PCBP3: variants seen among roughly 807,000 people sequenced by gnomAD.
PCBP3 encodes poly(rC) binding protein 3.
PCBP3 carries 25 observed loss-of-function variants against 52.7 expected under a neutral mutation model. That is an observed-to-expected ratio of 0.47 (90% CI 0.35 to 0.66). The LOEUF (loss-of-function observed/expected upper bound fraction) is 0.66. PCBP3 is among the 30% of genes least tolerant of loss of function. PCBP3 has a pLI of 0.01. For synonymous variants in PCBP3, 162 were observed against 183.0 expected, an observed-to-expected ratio of 0.89 and a Z score of 0.93; for missense variants, 391 against 490.3, an observed-to-expected ratio of 0.80 and a Z score of 1.91.
chr21:45,647,505 C>T (rs950234898), intron 1 of PCBP3, among the ~76,000 whole-genome samples: 1 of 152,164 alleles, frequency 6.6e-6, no homozygotes, highest in Non-Finnish European at 1.5e-5. Context: ...GGCCGAGAAT[C>T]AGGGAAAGCT....
At chr21:45,689,252 A>G (rs567640587) in intron 2 of PCBP3, among the ~76,000 whole-genome samples, 2 of 152,128 alleles carry the variant, frequency 1.3e-5, no homozygotes, top group Non-Finnish European at 2.9e-5. Context: ...ATAAGCCATC[A>G]GGACCAAATG....
intron 7 of PCBP3, 65 bp downstream of exon 7, chr21:45,899,687 C>T: frequency 7.7e-7 from 1 of 1,296,308 alleles, no homozygotes; most frequent in Non-Finnish European, 1.1e-6. Flanking sequence ...GGATGGCAGC[C>T]TCCCTGGGTA....
chr21:45,725,582 G>C (rs567113134), intron 2 of PCBP3, among the ~76,000 whole-genome samples: 73 of 152,280 alleles, frequency 4.8e-4, no homozygotes, highest in African/African-American at 1.7e-3. Flanking sequence ...TGCTCTTCCC[G>C]GTCTCAGAGT....
chr21:45,694,371 C>T (rs1012094656), intron 2 of PCBP3, among the ~76,000 whole-genome samples: 6 of 152,114 alleles, frequency 3.9e-5, no homozygotes, highest in South Asian at 2.1e-4. Context: ...TGAAAGTAGA[C>T]GAGAAAAATC....
At chr21:45,690,260 A>G (rs2082380722) in intron 2 of PCBP3, among the ~76,000 whole-genome samples, 1 of 152,136 alleles carries the variant, frequency 6.6e-6, no homozygotes, top group Non-Finnish European at 1.5e-5. Context: ...AACTGTCAGA[A>G]GAACTGAATA....
At position 45,741,204 on chromosome 21, in the gene PCBP3, C is replaced by T. The variant is rs1198882080; in HGVS notation, c.-162+5775C>T. On this transcript the variant is annotated intron_variant, in intron 3 of 17. Coordinates refer to ENST00000681687, the MANE Select transcript of PCBP3 (RefSeq NM_001384156.1). This position sits in a 1 kb window ranked among gnomAD's most constrained non-coding sequence, Gnocchi z 4.5. ...TCCAAGAAGGGCTGGAGGGTGATGT[C>T]GGGATGAGTGGGTCTGCAGTGGTCG... Among the ~76,000 whole-genome samples, 2 of 152,042 alleles carry T rather than the reference C, an allele frequency of 1.3e-5. No homozygotes were observed. The highest frequency in any genetic ancestry group is 2.4e-5 in the African/African-American group (1 of 41,376).
intron 12 of PCBP3, chr21:45,914,720 C>G (rs2096472590): frequency 6.6e-6 from 1 of 152,410 alleles, no homozygotes. Flanking sequence ...GGCCAGGGCA[C>G]AGGGAACACC....
At chr21:45,759,220 G>T (rs930746463) in intron 4 of PCBP3, among the ~76,000 whole-genome samples, 1 of 152,162 alleles carries the variant, frequency 6.6e-6, no homozygotes, top group African/African-American at 2.4e-5. Context: ...GTTTTCAGGA[G>T]TTTGTGTGAA....
chr21:45,879,704 C>A (rs2095354734), intron 5 of PCBP3, among the ~76,000 whole-genome samples: 1 of 127,788 alleles, frequency 7.8e-6, no homozygotes, highest in African/African-American at 2.5e-5. Context: ...AAACACACAC[C>A]TCTAAATAAT....
Position 45,919,836 on chromosome 21 carries a change from TGC to T in PCBP3, c.717+2217_717+2218del, listed in dbSNP as rs201942074. Among the ~76,000 whole-genome samples, 444 of 53,656 alleles carry T rather than the reference TGC, an allele frequency of 8.3e-3. 2 individuals are homozygous for T. The highest frequency in any genetic ancestry group is 0.025 in the African/African-American group (188 of 7,590). The allele number at this position is 53,656 out of a possible 152,430, so 35.2% of individuals were successfully genotyped here. ...AGAGGTGTGTGTGTGTGTGTGTGTG[TGC>T]GCGCGCGCGTGCGCGTCCCCGTGCA... On this transcript the variant is annotated intron_variant, in intron 13 of 17. Coordinates refer to ENST00000681687, the MANE Select transcript of PCBP3 (RefSeq NM_001384156.1).
intron 3 of PCBP3, among the ~76,000 whole-genome samples, chr21:45,748,360 G>C (rs1295193275): frequency 6.6e-6 from 1 of 152,200 alleles, no homozygotes; most frequent in Non-Finnish European, 1.5e-5. Flanking sequence ...CATAGGCCCT[G>C]TGTGAATGGT....
chr21:45,825,221 C>T (rs1411663777), intron 4 of PCBP3, among the ~76,000 whole-genome samples: 1 of 152,120 alleles, frequency 6.6e-6, no homozygotes, highest in Non-Finnish European at 1.5e-5. Context: ...TGAGTGACTC[C>T]GAAGTAAAAG....
chr21:45,743,820 A>G (rs894798874), intron 3 of PCBP3, among the ~76,000 whole-genome samples: 129 of 152,154 alleles, frequency 8.5e-4, no homozygotes, highest in Non-Finnish European at 3.1e-4. Flanking sequence ...TTGCTTTCAT[A>G]ACATGATTTG....
Position 45,884,196 on chromosome 21 carries a change from A to G in PCBP3, c.11-12012A>G, listed in dbSNP as rs141059338. ...AGTGATCCTCCCACCTTGACCGCCCAAAGTGCTGGGATTACAGGCGTGAGC... is the reference window on the plus strand; with the variant it reads ...AGTGATCCTCCCACCTTGACCGCCCGAAGTGCTGGGATTACAGGCGTGAGC... On this transcript the variant is annotated intron_variant, in intron 5 of 17. Coordinates refer to ENST00000681687, the MANE Select transcript of PCBP3 (RefSeq NM_001384156.1). Among the ~76,000 whole-genome samples the G allele has an allele frequency of 2.3e-3, 356 of 152,120 alleles. 2 individuals are homozygous for G. The highest frequency in any genetic ancestry group is 8.2e-3 in the African/African-American group (341 of 41,508).
intron 4 of PCBP3, among the ~76,000 whole-genome samples, chr21:45,798,629 T>C (rs111793015): frequency 7.6e-6 from 1 of 131,036 alleles, no homozygotes; most frequent in African/African-American, 2.9e-5. Flanking sequence ...CGAATGGATG[T>C]GTACATGGAT....
chr21:45,930,149 T>C (rs542645260), intron 14 of PCBP3, among the ~76,000 whole-genome samples, 154 bp downstream of exon 14: 1 of 29,608 alleles, frequency 3.4e-5, no homozygotes, highest in African/African-American at 1.3e-4. Flanking sequence ...TTGCTGGGGC[T>C]GGGGCCGGGG....
In PCBP3 at chr21:45,877,679, G is replaced by T. The variant is rs116549232; in HGVS notation, c.11-18529G>T. 1.6e-3 allele frequency among the ~76,000 whole-genome samples: 242 copies of T among 152,282 alleles called. 1 individual carries two copies. The highest frequency in any genetic ancestry group is 5.6e-3 in the African/African-American group (233 of 41,562). ...AATTAGCCGGGTGTGATGGTGGCAC[G>T]CCTGTAGTCCCAGCCACTCAGGAGG... is the stretch of plus-strand genomic sequence containing the variant. On this transcript the variant is annotated intron_variant, in intron 5 of 17. Coordinates refer to ENST00000681687, the MANE Select transcript of PCBP3 (RefSeq NM_001384156.1).
rs552959182 is a variant in PCBP3, at chr21:45,837,164, C to T, written c.-125-12797C>T. Among the ~76,000 whole-genome samples the T allele has an allele frequency of 2.0e-5, 3 of 152,356 alleles. No homozygotes were observed. Among genetic ancestry groups the T allele is most frequent in the Non-Finnish European group, 4.4e-5 (3 of 68,032 alleles). ...TTCCCATCCCCCAGCAGCGTGTTAG[C>T]GCCACGGATGATCTACAGTCCACCA... On this transcript the variant is annotated intron_variant, in intron 4 of 17. Coordinates refer to ENST00000681687, the MANE Select transcript of PCBP3 (RefSeq NM_001384156.1). The surrounding 1 kb of genome is among the most constrained non-coding windows in gnomAD (Gnocchi z 4.1).
At chr21:45,739,213 C>G (rs111886956) in intron 3 of PCBP3, among the ~76,000 whole-genome samples, 1 of 115,552 alleles carries the variant, frequency 8.7e-6, no homozygotes, top group Non-Finnish European at 1.7e-5. Context: ...TGCCCATTGT[C>G]CTCTGGGTGG....
Sources: gnomAD v4.1 joint callset for allele counts (sites outside exome capture counted in the v4.1 genomes callset) on GRCh38, gnomAD v4.1.1 for gene constraint, Gnocchi (gnomAD v3.1) non-coding constraint, MANE v1.5 for transcripts, NCBI Gene and HGNC (gene_info 2026-07-23, HGNC 2026-07-21) for gene names.